The following SLC25A21 variants were observed in gnomAD, a reference collection of about 807,000 sequenced individuals.
SLC25A21 encodes the protein mitochondrial 2-oxodicarboxylate carrier.
SLC25A21 carries 47 observed loss-of-function variants against 43.8 expected under a neutral mutation model. The observed-to-expected ratio is 1.07, with a 90% CI of 0.85 to 1.37. The LOEUF (loss-of-function observed/expected upper bound fraction) is 1.37. Ranked by LOEUF, SLC25A21 falls within the 40% of genes most tolerant of loss-of-function variation. The pLI is 0.00. For synonymous variants in SLC25A21, 131 were observed against 121.3 expected, an observed-to-expected ratio of 1.08 and a Z score of -0.52; for missense variants, 352 against 350.2, an observed-to-expected ratio of 1.00 and a Z score of -0.04.
At chr14:36,707,018 C>T (rs1883601521) in intron 7 of SLC25A21, among the ~76,000 whole-genome samples, 1 of 152,176 alleles carries the variant, frequency 6.6e-6, no homozygotes, top group Admixed American at 6.5e-5. Context: ...ATGATCTGAT[C>T]CCCTTGTGTC....
intron 1 of SLC25A21, among the ~76,000 whole-genome samples, chr14:37,170,584 T>C (rs1000914426): frequency 6.6e-6 from 1 of 152,080 alleles, no homozygotes; most frequent in African/African-American, 2.4e-5. Flanking sequence ...AATAAATTGG[T>C]GCAAATTCAT....
chr14:37,017,980 T>C (rs1960900275), intron 1 of SLC25A21, among the ~76,000 whole-genome samples: 1 of 151,962 alleles, frequency 6.6e-6, no homozygotes, highest in Non-Finnish European at 1.5e-5. Context: ...TTTTGGAATC[T>C]GTCTTACAGA....
chr14:37,122,947 A>G (rs1053612343), intron 1 of SLC25A21, among the ~76,000 whole-genome samples: 3 of 152,222 alleles, frequency 2.0e-5, no homozygotes, highest in Admixed American at 1.3e-4. Context: ...ATTTGCTACT[A>G]TATCTTAGGC....
intron 1 of SLC25A21, among the ~76,000 whole-genome samples, chr14:36,924,225 A>G (rs1280892442): frequency 2.6e-5 from 4 of 152,190 alleles, no homozygotes; most frequent in Non-Finnish European, 2.9e-5. Flanking sequence ...ACACATGCAC[A>G]TGTATGTTTA....
chr14:36,730,784 G>A (rs926532717), intron 4 of SLC25A21, among the ~76,000 whole-genome samples: 4 of 152,058 alleles, frequency 2.6e-5, no homozygotes, highest in African/African-American at 9.7e-5. Context: ...AGGTACTGGG[G>A]ATGCAACAGT....
chr14:37,067,192 C>T (rs144669762), intron 1 of SLC25A21, among the ~76,000 whole-genome samples: 4 of 152,116 alleles, frequency 2.6e-5, no homozygotes, highest in African/African-American at 7.2e-5. Flanking sequence ...ATATAACAAT[C>T]GCAAATTTAT....
At chr14:37,134,825 G>A (rs549789205) in intron 1 of SLC25A21, among the ~76,000 whole-genome samples, 2 of 152,124 alleles carry the variant, frequency 1.3e-5, no homozygotes, top group South Asian at 4.1e-4. Flanking sequence ...AAGTGTGGTG[G>A]CTCATGCTTG....
intron 3 of SLC25A21, among the ~76,000 whole-genome samples, chr14:36,746,319 C>T (rs563410685): frequency 1.0e-5 from 1 of 100,216 alleles, no homozygotes; most frequent in African/African-American, 6.1e-5. Flanking sequence ...CTGGATGCCA[C>T]TATCCTAAAG....
chr14:36,742,172 C>T (rs1383817843), intron 3 of SLC25A21, among the ~76,000 whole-genome samples: 1 of 152,102 alleles, frequency 6.6e-6, no homozygotes, highest in Non-Finnish European at 1.5e-5. Context: ...TTGTTGTTTT[C>T]TTCCTCTTTC....
At chr14:36,821,202 T>C (rs975862035) in intron 2 of SLC25A21, among the ~76,000 whole-genome samples, 1 of 152,150 alleles carries the variant, frequency 6.6e-6, no homozygotes, top group Non-Finnish European at 1.5e-5. Context: ...CCACCATGTA[T>C]GTTTCTTTCC....
At chr14:36,947,973 T>C (rs979351364) in intron 1 of SLC25A21, among the ~76,000 whole-genome samples, 8 of 152,076 alleles carry the variant, frequency 5.3e-5, no homozygotes, top group Non-Finnish European at 1.2e-4. Context: ...AACCAGATAT[T>C]TCTTTTTCCT....
chr14:37,080,075 C>T (rs968305624), intron 1 of SLC25A21, among the ~76,000 whole-genome samples: 8 of 152,126 alleles, frequency 5.3e-5, no homozygotes, highest in African/African-American at 1.9e-4. Context: ...GACTTCCCAG[C>T]GTACAGAACT....
At chr14:36,798,106 T>A (rs1024380365) in intron 3 of SLC25A21, among the ~76,000 whole-genome samples, 2 of 152,186 alleles carry the variant, frequency 1.3e-5, no homozygotes, top group Non-Finnish European at 2.9e-5. Flanking sequence ...TAGAAAGTAG[T>A]CTGTGCGTTG....
At chr14:37,048,523 C>T (rs1173879366) in intron 1 of SLC25A21, among the ~76,000 whole-genome samples, 1 of 151,734 alleles carries the variant, frequency 6.6e-6, no homozygotes, top group East Asian at 1.9e-4. Flanking sequence ...AAAGTGGCAC[C>T]ACCTAAATTG....
chr14:36,778,429 A>G (rs551695375), intron 3 of SLC25A21, among the ~76,000 whole-genome samples: 5 of 152,368 alleles, frequency 3.3e-5, no homozygotes, highest in African/African-American at 1.2e-4. Context: ...GCAACTACTC[A>G]GTGCATATTC....
chr14:36,767,358 T>TA (rs1886454122), intron 3 of SLC25A21, among the ~76,000 whole-genome samples: 1 of 152,242 alleles, frequency 6.6e-6, no homozygotes, highest in Non-Finnish European at 1.5e-5. Flanking sequence ...TCCCGACTCT[T>TA]TATTCAGATT....
At chr14:37,071,017 G>T (rs1305543217) in intron 1 of SLC25A21, among the ~76,000 whole-genome samples, 2 of 149,656 alleles carry the variant, frequency 1.3e-5, no homozygotes, top group Non-Finnish European at 2.9e-5. Context: ...AAATAACTTT[G>T]CAAGACAAAC....
At chr14:37,075,418 C>A (rs79618628) in intron 1 of SLC25A21, among the ~76,000 whole-genome samples, 6,514 of 152,128 alleles carry the variant, frequency 0.043, 161 homozygotes, top group Middle Eastern at 0.062. Context: ...GACAATTTTT[C>A]ACTTAAATTA....
chr14:36,921,403 C>G (rs1047256065), intron 1 of SLC25A21, among the ~76,000 whole-genome samples: 1 of 152,066 alleles, frequency 6.6e-6, no homozygotes, highest in African/African-American at 2.4e-5. Flanking sequence ...GTCCTTTATC[C>G]TCAATGAATA....
Sources: allele counts gnomAD v4.1 joint callset (sites outside exome capture counted in the v4.1 genomes callset), GRCh38; gene constraint gnomAD v4.1.1; transcripts MANE v1.5; gene names NCBI Gene and HGNC (gene_info 2026-07-23, HGNC 2026-07-21).